Variants in R3HDM1 observed in about 807,000 individuals in gnomAD.
R3HDM1 encodes R3H domain containing 1.
R3HDM1 carries 46 observed loss-of-function variants against 141.1 expected under a neutral mutation model. The ratio of observed to expected loss-of-function variants is 0.33; its 90% CI spans 0.26 to 0.42. The LOEUF (loss-of-function observed/expected upper bound fraction) is 0.42. Among genes scored for constraint, R3HDM1 ranks in the 10% least tolerant of loss-of-function variants. R3HDM1 has a pLI of 1.00. For missense variants in R3HDM1, 1,184 were observed against 1,368.3 expected (o/e 0.87, Z 2.12); for synonymous variants, 435 against 472.9 (o/e 0.92, Z 1.04).
intron 16 of R3HDM1, among the ~76,000 whole-genome samples, chr2:135,647,762 T>C (rs1033773176): frequency 6.6e-6 from 1 of 152,178 alleles, no homozygotes; most frequent in African/African-American, 2.4e-5. Flanking sequence ...TCAGAAGGGC[T>C]ACTTTTCTTA....
chr2:135,569,007 C>T (rs964978972), intron 1 of R3HDM1, among the ~76,000 whole-genome samples: 1 of 151,168 alleles, frequency 6.6e-6, no homozygotes, highest in African/African-American at 2.4e-5. Context: ...ATCATATCTC[C>T]TCTGTCTCCT....
At chr2:135,685,075 A>T (rs1243770773) in intron 21 of R3HDM1, among the ~76,000 whole-genome samples, 1 of 152,178 alleles carries the variant, frequency 6.6e-6, no homozygotes, top group East Asian at 1.9e-4. Flanking sequence ...CATTTTTTTC[A>T]TAATAATGTA....
intron 6 of R3HDM1, 68 bp from the exon 7 acceptor site, chr2:135,622,586 T>C: frequency 6.7e-7 from 1 of 1,492,922 alleles, no homozygotes; most frequent in African/African-American, 1.4e-5. Context: ...ATATACATCA[T>C]GTGTAAAAGG....
At chr2:135,707,585 C>T (rs2075106928) in intron 21 of R3HDM1, among the ~76,000 whole-genome samples, 1 of 152,150 alleles carries the variant, frequency 6.6e-6, no homozygotes, top group Admixed American at 6.5e-5. Context: ...TATTCCCTTC[C>T]CTTTGCAGGA....
chr2:135,640,528 T>C (rs1235306210), intron 14 of R3HDM1, among the ~76,000 whole-genome samples: 3 of 152,208 alleles, frequency 2.0e-5, no homozygotes, highest in Non-Finnish European at 2.9e-5. Flanking sequence ...GAAATATTAA[T>C]TGGCCCTTTT....
chr2:135,586,557 A>C (rs1230403091), intron 1 of R3HDM1: 1 of 264,986 alleles, frequency 3.8e-6, no homozygotes, highest in Non-Finnish European at 5.8e-6. Context: ...AATCTGATAC[A>C]TGAAGTATTC....
chr2:135,675,265 AT>A (rs534053662), intron 19 of R3HDM1, 66 bp from the exon 20 acceptor site: 109 of 1,424,698 alleles, frequency 7.7e-5, no homozygotes, highest in South Asian at 2.1e-4. Flanking sequence ...ACTCGCTTAA[AT>A]TTTTTTTTAA....
intron 1 of R3HDM1, among the ~76,000 whole-genome samples, chr2:135,536,027 G>C (rs1468517256): frequency 1.3e-5 from 2 of 152,100 alleles, no homozygotes; most frequent in Admixed American, 1.3e-4. Context: ...TATAGTTTAT[G>C]ATCTTTTTTC....
rs140794344 is a variant in R3HDM1 at position 135,559,457 on chromosome 2, T to C, written c.-250+27824T>C. Reference sequence around the variant, plus strand: ...CTTCTTGCATTCCTTGCTAGATTGTTATTTTGTCCCCTGAGATATTTTGGG... The same window carrying C: ...CTTCTTGCATTCCTTGCTAGATTGTCATTTTGTCCCCTGAGATATTTTGGG... On this transcript the variant is annotated intron_variant, in intron 1 of 26. Transcript: ENST00000683871. Among the ~76,000 whole-genome samples the C allele has an allele frequency of 1.7e-3, 258 of 152,300 alleles. 1 individual carries two copies. In the Middle Eastern group the frequency reaches 0.037, roughly 22 times the overall value.
intron 3 of R3HDM1, 105 bp downstream of exon 3, chr2:135,605,121 A>T: frequency 1.0e-6 from 1 of 987,320 alleles, no homozygotes; most frequent in East Asian, 2.7e-5. Flanking sequence ...GGGTAAGTTG[A>T]CCCTTCGTGA....
chr2:135,652,191 C>T (rs531285916), intron 18 of R3HDM1, among the ~76,000 whole-genome samples, 159 bp downstream of exon 18: 1 of 152,302 alleles, frequency 6.6e-6, no homozygotes, highest in East Asian at 1.9e-4. Flanking sequence ...TTTTCACGCA[C>T]ATGCTAAGCA....
intron 1 of R3HDM1, among the ~76,000 whole-genome samples, chr2:135,598,080 G>C (rs1316211520): frequency 6.6e-6 from 1 of 152,118 alleles, no homozygotes; most frequent in African/African-American, 2.4e-5. Flanking sequence ...GTTTGCCTTT[G>C]AAAGTGTTGA....
intron 1 of R3HDM1, among the ~76,000 whole-genome samples, chr2:135,540,236 G>C (rs1697165600): frequency 6.6e-6 from 1 of 152,164 alleles, no homozygotes; most frequent in Non-Finnish European, 1.5e-5. Context: ...TCTGAATCTA[G>C]TTCTCTTACT....
Position 135,724,587 on chromosome 2 carries a change from G to T in R3HDM1, c.*295G>T, listed in dbSNP as rs1009204825. On this transcript the variant is annotated 3_prime_UTR_variant, in exon 27 of 27. Coordinates refer to ENST00000683871, the MANE Select transcript of R3HDM1 (RefSeq NM_001378107.1). Reference sequence around the variant, plus strand: ...TTTTGTTTTATATTTCTAAATTCTTGTATCAGATCCAAAGCTCTATTGTAC... The same window carrying T: ...TTTTGTTTTATATTTCTAAATTCTTTTATCAGATCCAAAGCTCTATTGTAC... 4 of 257,214 alleles carry T rather than the reference G, an allele frequency of 1.6e-5. No individual in the cohort carries two copies. The highest frequency in any genetic ancestry group is 5.2e-5 in the Admixed American group (1 of 19,338). 15.9% of individuals were successfully genotyped at this position (257,214 alleles called of 1,614,324 possible).
At chr2:135,585,995 G>A (rs1048075783) in intron 1 of R3HDM1, among the ~76,000 whole-genome samples, 17 of 152,262 alleles carry the variant, frequency 1.1e-4, no homozygotes, top group African/African-American at 3.4e-4. Context: ...AATACTAAAA[G>A]TGTCAAAGAG....
intron 23 of R3HDM1, among the ~76,000 whole-genome samples, chr2:135,711,007 G>C (rs1334415569): frequency 1.3e-5 from 2 of 152,194 alleles, no homozygotes; most frequent in Non-Finnish European, 2.9e-5. Flanking sequence ...GGATGAATTA[G>C]AGAGACAGCC....
At chr2:135,547,955 G>A (rs951657783) in intron 1 of R3HDM1, among the ~76,000 whole-genome samples, 20 of 151,846 alleles carry the variant, frequency 1.3e-4, no homozygotes, top group African/African-American at 4.8e-4. Flanking sequence ...TGTATTTTTA[G>A]TAGAGACAGG....
chr2:135,660,713 G>A (rs1473220176), intron 18 of R3HDM1, among the ~76,000 whole-genome samples: 5 of 151,892 alleles, frequency 3.3e-5, no homozygotes, highest in African/African-American at 1.2e-4. Flanking sequence ...GGGCATGGTG[G>A]CACATGCCTG....
intron 1 of R3HDM1, among the ~76,000 whole-genome samples, chr2:135,600,080 GAGA>G (rs2059497191): frequency 6.7e-6 from 1 of 148,742 alleles, no homozygotes; most frequent in Non-Finnish European, 1.5e-5. Context: ...TAATATTTTG[GAGA>G]AGAATACAAA....
Sources: gnomAD v4.1 joint callset for allele counts (sites outside exome capture counted in the v4.1 genomes callset) on GRCh38, gnomAD v4.1.1 for gene constraint, MANE v1.5 for transcripts, NCBI Gene and HGNC (gene_info 2026-07-23, HGNC 2026-07-21) for gene names.